RAI1: variants seen among roughly 807,000 people sequenced by gnomAD.
RAI1 encodes retinoic acid induced 1, also known as retinoic acid-induced protein 1.
RAI1 carries 9 observed loss-of-function variants against 123.8 expected under a neutral mutation model. That is an observed-to-expected ratio of 0.07 (90% confidence interval 0.04 to 0.13). The LOEUF (loss-of-function observed/expected upper bound fraction) is 0.13, where lower values mean the gene tolerates loss of function less well. RAI1 is among the 10% of genes least tolerant of loss of function. RAI1 has a pLI of 1.00. For missense variants in RAI1, 2,256 were observed against 2,545.8 expected, an observed-to-expected ratio of 0.89 and a Z score of 2.45; for synonymous variants, 1,231 against 1,127.3, an observed-to-expected ratio of 1.09 and a Z score of -1.84.
intron 2 of RAI1, among the ~76,000 whole-genome samples, chr17:17,758,818 G>A (rs537980770): frequency 6.6e-6 from 1 of 152,292 alleles, no homozygotes; most frequent in Admixed American, 6.5e-5. Flanking sequence ...ACAGGGGAGG[G>A]TCTGTGTGTT....
intron 2 of RAI1, among the ~76,000 whole-genome samples, chr17:17,780,234 T>G (rs1355182765): frequency 6.6e-6 from 1 of 151,728 alleles, no homozygotes; most frequent in Non-Finnish European, 1.5e-5. Flanking sequence ...TCAAGTTAAT[T>G]TTTATATTTT....
intron 4 of RAI1, among the ~76,000 whole-genome samples, chr17:17,805,949 C>T (rs1182167741): frequency 6.6e-6 from 1 of 152,226 alleles, no homozygotes; most frequent in Non-Finnish European, 1.5e-5. Context: ...TTGGCTGCCT[C>T]ACCCACAGCA....
At chr17:17,700,690 C>G (rs930726205) in intron 1 of RAI1, among the ~76,000 whole-genome samples, 2 of 152,108 alleles carry the variant, frequency 1.3e-5, no homozygotes, top group Non-Finnish European at 2.9e-5. Flanking sequence ...GCCTCGTCCG[C>G]CGAGGCCGCA....
intron 1 of RAI1, among the ~76,000 whole-genome samples, chr17:17,712,105 G>A (rs1276293882): frequency 2.6e-5 from 4 of 152,218 alleles, no homozygotes; most frequent in South Asian, 2.1e-4. Context: ...TAATGTCTGC[G>A]CTGTGGGGCG....
intron 2 of RAI1, among the ~76,000 whole-genome samples, chr17:17,739,783 G>A (rs1916558253): frequency 6.6e-6 from 1 of 152,206 alleles, no homozygotes; most frequent in African/African-American, 2.4e-5. Flanking sequence ...GGGGTGGTGA[G>A]AGTGGTCCTG....
At chr17:17,712,729 T>G (rs1598028390) in intron 1 of RAI1, among the ~76,000 whole-genome samples, 1 of 152,196 alleles carries the variant, frequency 6.6e-6, no homozygotes, top group East Asian at 1.9e-4. Context: ...CACCAGAGGG[T>G]GACCTGAGGA....
chr17:17,699,384 C>T (rs1324356292), intron 1 of RAI1, among the ~76,000 whole-genome samples: 3 of 152,216 alleles, frequency 2.0e-5, no homozygotes, highest in African/African-American at 7.2e-5. Context: ...CACAGAGCCA[C>T]CTGGATCGAA....
chr17:17,798,394 G>A lies in RAI1; in HGVS notation c.5446G>A (p.Gly1816Ser), dbSNP rs528236558. 1.7e-5 allele frequency: 28 copies of A among 1,610,144 alleles called. No individual in the cohort carries two copies. The highest frequency in any genetic ancestry group is 1.3e-4 in the African/African-American group (10 of 75,012). Residue 1816 changes from glycine to serine, a missense_variant, in exon 3 of 6, where the codon GGC becomes AGC. This residue lies in a region of RAI1 where 243 missense variants were observed against 316.6 expected (regional missense o/e 0.77). Coordinates refer to ENST00000353383, the MANE Select transcript of RAI1 (RefSeq NM_030665.4). ...CAGCAAGGAGGCTCCGGCAGAGCCC[G>A]GCGGGGAGGCCCAGGAGCACTGGGT... is the stretch of plus-strand genomic sequence containing the variant. ...ECSKEAPAEP[G>S]GEAQEHWVHE... is the part of the protein sequence containing the mutation.
At chr17:17,707,177 G>A (rs1365996286) in intron 1 of RAI1, among the ~76,000 whole-genome samples, 2 of 152,208 alleles carry the variant, frequency 1.3e-5, no homozygotes, top group Non-Finnish European at 2.9e-5. Flanking sequence ...GGGCATGGTG[G>A]TGTGTACCTG....
rs1300126277 is a variant in RAI1, at chr17:17,794,374, C to T, written c.1426C>T (p.His476Tyr). The T allele has an allele frequency of 1.2e-6, 2 of 1,613,142 alleles. No homozygotes were observed. Among genetic ancestry groups the T allele is most frequent in the Non-Finnish European group, 1.7e-6 (2 of 1,180,062 alleles). ...KNLVSRTPEQHKSQHCSPEGS... is the reference protein window; with the variant it reads ...KNLVSRTPEQYKSQHCSPEGS... ...CCTCGTGTCCAGGACCCCAGAGCAG[C>T]ATAAAAGCCAGCACTGCAGCCCCGA... Residue 476 changes from histidine to tyrosine, a missense_variant, in exon 3 of 6, where the codon CAT (histidine) becomes TAT (tyrosine). His to Tyr is a moderately conservative substitution (Grantham distance 83). This residue lies in a region of RAI1 where 357 missense variants were observed against 480.2 expected (regional missense o/e 0.74). Coordinates refer to ENST00000353383, the MANE Select transcript of RAI1 (RefSeq NM_030665.4).
chr17:17,701,172 A>G (rs1174017210), intron 1 of RAI1, among the ~76,000 whole-genome samples: 1 of 152,130 alleles, frequency 6.6e-6, no homozygotes, highest in Non-Finnish European at 1.5e-5. Context: ...GGGCTAGCCC[A>G]TGGTGAAGGT....
At position 17,796,920 on chromosome 17, in the gene RAI1, C is replaced by T. The variant is rs889088499; in HGVS notation, c.3972C>T (p.Gly1324=). 1 of 1,613,478 alleles carries T rather than the reference C, an allele frequency of 6.2e-7. No homozygotes were observed. Among genetic ancestry groups the T allele is most frequent in the African/African-American group, 1.3e-5 (1 of 75,062 alleles). ...MKTKVLPPRK[G]RGLKLEAIVQ... is the part of the protein sequence containing the mutation. Reference sequence around the variant, plus strand: ...CCAAGGTGCTGCCACCCCGGAAGGGCCGGGGCCTGAAGCTGGAAGCCATCG... The same window carrying T: ...CCAAGGTGCTGCCACCCCGGAAGGGTCGGGGCCTGAAGCTGGAAGCCATCG... Residue 1324 remains glycine, a synonymous_variant, in exon 3 of 6, where the codon GGC becomes GGT. Coordinates refer to ENST00000353383, the MANE Select transcript of RAI1 (RefSeq NM_030665.4). The surrounding 1 kb of genome is among the most constrained non-coding windows in gnomAD (Gnocchi z 5.8).
At chr17:17,788,439 C>T (rs555764300) in intron 2 of RAI1, among the ~76,000 whole-genome samples, 1 of 152,268 alleles carries the variant, frequency 6.6e-6, no homozygotes, top group Non-Finnish European at 1.5e-5. Flanking sequence ...CACCAAGTCT[C>T]CTGTATTGAT....
At chr17:17,689,636 A>G (rs932952078) in intron 1 of RAI1, among the ~76,000 whole-genome samples, 24 of 152,222 alleles carry the variant, frequency 1.6e-4, no homozygotes, top group African/African-American at 5.8e-4. Context: ...ATGCATATGT[A>G]TTTTGGACTT....
chr17:17,705,681 G>C (rs929228495), intron 1 of RAI1, among the ~76,000 whole-genome samples: 1 of 151,988 alleles, frequency 6.6e-6, no homozygotes, highest in African/African-American at 2.4e-5. Context: ...AGCTGAGATC[G>C]CACCACTCTA....
chr17:17,742,567 CTT>C (rs1260612524), intron 2 of RAI1, among the ~76,000 whole-genome samples: 7 of 152,210 alleles, frequency 4.6e-5, no homozygotes, highest in Non-Finnish European at 2.9e-5. Flanking sequence ...TCACTGGAAA[CTT>C]TGCCAAAAAT....
intron 3 of RAI1, 102 bp from the exon 4 acceptor site, chr17:17,803,646 AGAGTGCTG>A: frequency 1.9e-6 from 2 of 1,026,536 alleles, no homozygotes; most frequent in Non-Finnish European, 3.1e-6. Context: ...TTGGCCTCCC[AGAGTGCTG>A]GGATTACAGG....
At chr17:17,749,069 C>G (rs2030043977) in intron 2 of RAI1, among the ~76,000 whole-genome samples, 1 of 152,202 alleles carries the variant, frequency 6.6e-6, no homozygotes, top group African/African-American at 2.4e-5. Context: ...CTGGATCTCC[C>G]CACGAATCCT....
chr17:17,691,998 A>G (rs1381006744), intron 1 of RAI1, among the ~76,000 whole-genome samples: 1 of 152,252 alleles, frequency 6.6e-6, no homozygotes. Context: ...CTTTGAGACA[A>G]GCACAGAAAA....
Sources: gnomAD v4.1 joint callset for allele counts (sites outside exome capture counted in the v4.1 genomes callset) on GRCh38, gnomAD v4.1.1 for gene constraint, gnomAD v4.1.1 regional missense constraint, Gnocchi (gnomAD v3.1) non-coding constraint, MANE v1.5 for transcripts, NCBI Gene and HGNC (gene_info 2026-07-23, HGNC 2026-07-21) for gene names.